The following DSCAM variants were observed in gnomAD, a reference collection of about 807,000 sequenced individuals.
DSCAM encodes the protein cell adhesion molecule DSCAM.
In DSCAM, 47 loss-of-function variants were observed where a neutral mutation model predicts 217.7. The ratio of observed to expected loss-of-function variants is 0.22; its 90% confidence interval spans 0.17 to 0.28. DSCAM has a LOEUF of 0.28. Ranked by LOEUF, DSCAM falls within the 10% of genes least tolerant of loss-of-function variation. The pLI is 1.00. For synonymous variants in DSCAM, 1,056 were observed against 1,015.3 expected, an observed-to-expected ratio of 1.04 and a Z score of -0.76; for missense variants, 2,080 against 2,618.3, an observed-to-expected ratio of 0.79 and a Z score of 4.49.
chr21:40,302,149 C>T (rs909663192), intron 9 of DSCAM, among the ~76,000 whole-genome samples: 2 of 152,064 alleles, frequency 1.3e-5, no homozygotes, highest in African/African-American at 2.4e-5. Flanking sequence ...TGTGGTGAGC[C>T]GGCTTGCCAA....
intron 28 of DSCAM, among the ~76,000 whole-genome samples, chr21:40,060,925 T>C (rs1251147808): frequency 6.6e-6 from 1 of 152,174 alleles, no homozygotes; most frequent in Non-Finnish European, 1.5e-5. Flanking sequence ...CTGTGACCCA[T>C]AAATGTCACA....
chr21:40,554,942 T>C, intron 3 of DSCAM, among the ~76,000 whole-genome samples: 1 of 152,354 alleles, frequency 6.6e-6, no homozygotes, highest in East Asian at 1.9e-4. Flanking sequence ...GACAATGTTT[T>C]ATTAATTTTC....
At chr21:40,145,543 C>T (rs889530404) in intron 16 of DSCAM, among the ~76,000 whole-genome samples, 1 of 152,164 alleles carries the variant, frequency 6.6e-6, no homozygotes. Flanking sequence ...GAAACCAGAG[C>T]CTTTTCAAGG....
intron 20 of DSCAM, among the ~76,000 whole-genome samples, chr21:40,096,301 G>C (rs528232701): frequency 6.6e-6 from 1 of 152,068 alleles, no homozygotes; most frequent in South Asian, 2.1e-4. Context: ...TTAAAAAATT[G>C]GTTGATGTCT....
intron 3 of DSCAM, among the ~76,000 whole-genome samples, chr21:40,469,305 C>T (rs900252561): frequency 2.0e-5 from 3 of 151,908 alleles, no homozygotes; most frequent in African/African-American, 4.8e-5. Flanking sequence ...TGGTATGTCC[C>T]GCTGAAAGGA....
intron 3 of DSCAM, among the ~76,000 whole-genome samples, chr21:40,555,211 A>C (rs1241594223): frequency 1.3e-5 from 2 of 152,234 alleles, no homozygotes; most frequent in African/African-American, 4.8e-5. Context: ...GAGAAAGCCA[A>C]ATCTAGAATC....
At chr21:40,544,194 T>C (rs904719896) in intron 3 of DSCAM, among the ~76,000 whole-genome samples, 32 of 151,918 alleles carry the variant, frequency 2.1e-4, no homozygotes, top group African/African-American at 7.5e-4. Flanking sequence ...GTTCTAGAAA[T>C]TGAGGAATAA....
intron 3 of DSCAM, among the ~76,000 whole-genome samples, chr21:40,477,498 G>A (rs1046969354): frequency 4.6e-5 from 7 of 152,132 alleles, no homozygotes; most frequent in South Asian, 2.1e-4. Flanking sequence ...ACTGATGGCC[G>A]TGAGTCATCT....
At chr21:40,555,200 T>C (rs1483796738) in intron 3 of DSCAM, among the ~76,000 whole-genome samples, 2 of 152,206 alleles carry the variant, frequency 1.3e-5, no homozygotes, top group Non-Finnish European at 2.9e-5. Context: ...ATCCATTACA[T>C]GAGAAAGCCA....
At chr21:40,388,207 T>C (rs1317461618) in intron 3 of DSCAM, among the ~76,000 whole-genome samples, 1 of 152,214 alleles carries the variant, frequency 6.6e-6, no homozygotes. Flanking sequence ...AAAGAAATTG[T>C]ACTCAATAAT....
intron 29 of DSCAM, among the ~76,000 whole-genome samples, chr21:40,054,400 A>T (rs1220381472): frequency 6.6e-6 from 1 of 152,184 alleles, no homozygotes; most frequent in African/African-American, 2.4e-5. Flanking sequence ...CCCAGGCCTT[A>T]GAATTTAGGA....
intron 1 of DSCAM, among the ~76,000 whole-genome samples, chr21:40,773,932 T>C (rs1298970265): frequency 6.6e-6 from 1 of 152,168 alleles, no homozygotes; most frequent in African/African-American, 2.4e-5. Flanking sequence ...TACGGAAGCC[T>C]TGAAGACACA....
intron 11 of DSCAM, among the ~76,000 whole-genome samples, chr21:40,191,958 A>T (rs966729098): frequency 3.3e-5 from 5 of 152,178 alleles, no homozygotes; most frequent in African/African-American, 1.2e-4. Context: ...AACGAATTAT[A>T]TTTGCAAAGA....
chr21:40,084,780 A>T (rs546364482), intron 23 of DSCAM, among the ~76,000 whole-genome samples: 1 of 152,216 alleles, frequency 6.6e-6, no homozygotes, highest in South Asian at 2.1e-4. Context: ...TCAGAGTCAT[A>T]ATATAGTGCC....
rs55744637 is a variant in DSCAM at position 40,100,515 on chromosome 21, C to T, written c.3697-6641G>A. 8.8e-3 allele frequency among the ~76,000 whole-genome samples: 1,334 copies of T among 152,198 alleles called. 12 individuals are homozygous for T. Among genetic ancestry groups the T allele is most frequent in the Middle Eastern group, 0.024 (7 of 294 alleles). On this transcript the variant is annotated intron_variant, in intron 20 of 32. Coordinates refer to ENST00000400454, the MANE Select transcript of DSCAM (RefSeq NM_001389.5). ...AAACTGACTTGCTAATTTCTACATGCATATTTTATTACGTAGCACTCTCTT... is the reference window on the plus strand; with the variant it reads ...AAACTGACTTGCTAATTTCTACATGTATATTTTATTACGTAGCACTCTCTT...
chr21:40,415,819 C>T (rs1367042769), intron 3 of DSCAM, among the ~76,000 whole-genome samples: 1 of 152,114 alleles, frequency 6.6e-6, no homozygotes, highest in Non-Finnish European at 1.5e-5. Flanking sequence ...CAACCCCTGC[C>T]GCAATCCCTA....
chr21:40,424,452 C>T (rs2075453451), intron 3 of DSCAM, among the ~76,000 whole-genome samples: 1 of 152,096 alleles, frequency 6.6e-6, no homozygotes, highest in Non-Finnish European at 1.5e-5. Context: ...GTCTATAATA[C>T]AAACCAACAA....
At chr21:40,843,309 G>A (rs933055551) in intron 1 of DSCAM, among the ~76,000 whole-genome samples, 21 of 151,848 alleles carry the variant, frequency 1.4e-4, no homozygotes, top group Admixed American at 2.0e-4. Context: ...CCATGAAAGC[G>A]GATGCAGTAG....
intron 11 of DSCAM, among the ~76,000 whole-genome samples, chr21:40,266,944 A>G (rs2073545611): frequency 1.4e-5 from 2 of 141,902 alleles, no homozygotes; most frequent in African/African-American, 2.6e-5. Flanking sequence ...CAAATAATGC[A>G]TGTTCTCATT....
Sources: allele counts gnomAD v4.1 joint callset (sites outside exome capture counted in the v4.1 genomes callset), GRCh38; gene constraint gnomAD v4.1.1; transcripts MANE v1.5; gene names NCBI Gene and HGNC (gene_info 2026-07-23, HGNC 2026-07-21).